The following RANBP2 variants were observed in gnomAD, a reference collection of about 807,000 sequenced individuals.
RANBP2 encodes the protein E3 SUMO-protein ligase RanBP2.
Under a neutral mutation model 303.6 loss-of-function variants are expected in RANBP2, and 57 were observed. The ratio of observed to expected loss-of-function variants is 0.19; its 90% CI spans 0.15 to 0.23. The LOEUF is 0.23. Ranked by LOEUF, RANBP2 falls within the 10% of genes least tolerant of loss-of-function variation. The pLI, the probability that RANBP2 is intolerant of heterozygous loss-of-function variation, is 1.00. For missense variants in RANBP2, 3,138 were observed against 3,780.8 expected (o/e 0.83, Z 4.46); for synonymous variants, 1,167 against 1,301.5 (o/e 0.90, Z 2.23).
At chr2:109,071,920 G>A in the RANBP2 span, among the ~76,000 whole-genome samples, 1 of 152,114 alleles carries the variant, frequency 6.6e-6, no homozygotes, top group South Asian at 2.1e-4. Context: ...TCAATAGGAG[G>A]AAAAGCAAAA....
chr2:109,563,240 T>C, the RANBP2 span, among the ~76,000 whole-genome samples: 3 of 152,316 alleles, frequency 2.0e-5, no homozygotes, highest in East Asian at 3.9e-4. Flanking sequence ...TAATTCATTA[T>C]GCTACCAGAA....
chr2:109,741,207 A>G, the RANBP2 span, among the ~76,000 whole-genome samples: 1 of 139,600 alleles, frequency 7.2e-6, no homozygotes, highest in Non-Finnish European at 1.5e-5. Context: ...AATATACACC[A>G]TGACCAAGTG....
the RANBP2 span, among the ~76,000 whole-genome samples, chr2:109,373,926 G>C: frequency 1.3e-5 from 2 of 152,042 alleles, no homozygotes; most frequent in Non-Finnish European, 1.5e-5. Flanking sequence ...GCAGGTGCAG[G>C]CCCGAGACCC....
chr2:108,943,287 A>AG, the RANBP2 span, among the ~76,000 whole-genome samples: 1 of 152,200 alleles, frequency 6.6e-6, no homozygotes, highest in Non-Finnish European at 1.5e-5. Context: ...CCGACTCCAA[A>AG]GGGCTCTGCT....
chr2:109,498,825 G>A, the RANBP2 span, among the ~76,000 whole-genome samples: 1 of 152,310 alleles, frequency 6.6e-6, no homozygotes, highest in East Asian at 1.9e-4. Context: ...GTGGAAGATG[G>A]TAAGAGCTGG....
the RANBP2 span, among the ~76,000 whole-genome samples, chr2:108,913,069 C>T: frequency 2.6e-5 from 4 of 151,978 alleles, no homozygotes; most frequent in East Asian, 7.7e-4. Context: ...CTGTCTCAGC[C>T]TCCCAAGTAA....
the RANBP2 span, among the ~76,000 whole-genome samples, chr2:108,853,861 T>TAA: frequency 3.9e-5 from 5 of 128,692 alleles, no homozygotes; most frequent in Non-Finnish European, 3.1e-5. Context: ...ACTATATATA[T>TAA]AATATATATA....
the RANBP2 span, among the ~76,000 whole-genome samples, chr2:109,420,485 T>A: frequency 6.6e-6 from 1 of 152,126 alleles, no homozygotes; most frequent in Non-Finnish European, 1.5e-5. Flanking sequence ...TTGCTCTGTC[T>A]CCCAGGCTGG....
At chr2:108,968,855 C>T in the RANBP2 span, among the ~76,000 whole-genome samples, 1 of 152,210 alleles carries the variant, frequency 6.6e-6, no homozygotes, top group African/African-American at 2.4e-5. Context: ...CTCTGCTATG[C>T]ACTATTTGGC....
At chr2:108,870,560 A>T in the RANBP2 span, among the ~76,000 whole-genome samples, 1 of 152,258 alleles carries the variant, frequency 6.6e-6, no homozygotes, top group East Asian at 1.9e-4. Context: ...ACACATTATC[A>T]TGAAACTGTC....
chr2:109,510,156 C>G, the RANBP2 span, among the ~76,000 whole-genome samples: 1 of 152,154 alleles, frequency 6.6e-6, no homozygotes, highest in Non-Finnish European at 1.5e-5. Flanking sequence ...TTGGCAGGAT[C>G]AAGAAACTGA....
At chr2:109,348,606 A>G in the RANBP2 span, among the ~76,000 whole-genome samples, 57 of 152,310 alleles carry the variant, frequency 3.7e-4, no homozygotes, top group African/African-American at 1.1e-3. Flanking sequence ...TGCTCGGCCA[A>G]TAAGCTCACA....
the RANBP2 span, among the ~76,000 whole-genome samples, chr2:108,961,031 C>T: frequency 6.6e-6 from 1 of 152,162 alleles, no homozygotes; most frequent in African/African-American, 2.4e-5. Flanking sequence ...AGTGGTAGAA[C>T]TGTTGGGTCA....
intron 17 of RANBP2, among the ~76,000 whole-genome samples, chr2:108,756,128 G>T (rs1407591681): frequency 6.6e-6 from 1 of 152,108 alleles, no homozygotes; most frequent in African/African-American, 2.4e-5. Flanking sequence ...ATAAGAGTTC[G>T]TGGCACAGAG....
At chr2:109,546,250 G>A in the RANBP2 span, 5 of 1,528,712 alleles carry the variant, frequency 3.3e-6, no homozygotes, top group East Asian at 1.2e-4. Context: ...GGAAACAAAA[G>A]TGCAATCCCC....
At chr2:109,391,470 C>T in the RANBP2 span, among the ~76,000 whole-genome samples, 2 of 152,240 alleles carry the variant, frequency 1.3e-5, no homozygotes, top group Admixed American at 6.5e-5. Flanking sequence ...CCGGCGGCCT[C>T]ACACAGGTCT....
the RANBP2 span, among the ~76,000 whole-genome samples, chr2:109,676,330 C>T: frequency 1.3e-5 from 2 of 152,226 alleles, no homozygotes; most frequent in Non-Finnish European, 2.9e-5. Flanking sequence ...ACTGTCACAA[C>T]GGAAGTGCTC....
At chr2:109,533,719 C>T in the RANBP2 span, among the ~76,000 whole-genome samples, 11 of 152,272 alleles carry the variant, frequency 7.2e-5, no homozygotes, top group East Asian at 1.9e-3. Context: ...CCATGTCAAG[C>T]GTAATTTCTA....
At chr2:108,750,461 A>G (rs1437660298) in intron 9 of RANBP2, among the ~76,000 whole-genome samples, 2 of 152,244 alleles carry the variant, frequency 1.3e-5, no homozygotes, top group African/African-American at 4.8e-5. Context: ...ACCTAAAAAC[A>G]GAATTAGAGA....
Sources: allele counts gnomAD v4.1 joint callset (sites outside exome capture counted in the v4.1 genomes callset), GRCh38; gene constraint gnomAD v4.1.1; transcripts MANE v1.5; gene names NCBI Gene and HGNC (gene_info 2026-07-23, HGNC 2026-07-21).